ABHD12: variants seen among roughly 807,000 people sequenced by gnomAD.
The protein encoded by ABHD12 is lysophosphatidylserine lipase ABHD12.
A neutral mutation model predicts 58.3 loss-of-function variants in ABHD12; 43 were observed. That is an observed-to-expected ratio of 0.74 (90% CI 0.58 to 0.95). The LOEUF is 0.95. Ranked by LOEUF, ABHD12 falls within the 40% of genes least tolerant of loss-of-function variation. ABHD12 has a pLI of 0.00. For synonymous variants in ABHD12, 219 were observed against 211.2 expected (o/e 1.04, Z -0.32); for missense variants, 539 against 537.2 (o/e 1.00, Z -0.03).
At chr20:25,323,948 G>T (rs2089129127) in intron 2 of ABHD12, among the ~76,000 whole-genome samples, 1 of 152,234 alleles carries the variant, frequency 6.6e-6, no homozygotes, top group African/African-American at 2.4e-5. Context: ...AGGTAAAGGG[G>T]ATTCCAAAGT....
chr20:25,370,165 G>T (rs2089882248), intron 1 of ABHD12, among the ~76,000 whole-genome samples: 1 of 152,102 alleles, frequency 6.6e-6, no homozygotes, highest in African/African-American at 2.4e-5. Flanking sequence ...GACTGTGGGG[G>T]GTCCCCTTGA....
intron 1 of ABHD12, among the ~76,000 whole-genome samples, chr20:25,381,993 G>A (rs1005359808): frequency 6.6e-6 from 1 of 152,068 alleles, no homozygotes; most frequent in Non-Finnish European, 1.5e-5. Flanking sequence ...TCATCATGGG[G>A]CTAGTCATCT....
At chr20:25,384,386 A>C (rs982975862) in intron 1 of ABHD12, among the ~76,000 whole-genome samples, 15 of 151,262 alleles carry the variant, frequency 9.9e-5, no homozygotes, top group African/African-American at 3.6e-4. Flanking sequence ...ACCAATGTTA[A>C]AAAAGTTGGC....
At chr20:25,380,496 C>G (rs1233445690) in intron 1 of ABHD12, among the ~76,000 whole-genome samples, 1 of 152,118 alleles carries the variant, frequency 6.6e-6, no homozygotes, top group East Asian at 1.9e-4. Context: ...CTGTCTTTCC[C>G]CCTTTACTGC....
At chr20:25,378,658 AG>A in intron 1 of ABHD12, among the ~76,000 whole-genome samples, 1 of 152,070 alleles carries the variant, frequency 6.6e-6, no homozygotes, top group Middle Eastern at 3.4e-3. Flanking sequence ...CTTTGTTTGA[AG>A]ACTCCACCAG....
At chr20:25,384,359 T>C (rs1227655452) in intron 1 of ABHD12, among the ~76,000 whole-genome samples, 5 of 150,328 alleles carry the variant, frequency 3.3e-5, no homozygotes, top group African/African-American at 7.3e-5. Flanking sequence ...CCAAAATTGT[T>C]CTCATCTGAG....
intron 3 of ABHD12, 140 bp from the exon 4 acceptor site, chr20:25,320,458 T>C (rs2089045836): frequency 9.0e-7 from 1 of 1,107,520 alleles, no homozygotes; most frequent in Non-Finnish European, 1.3e-6. Context: ...GGGGAACAGA[T>C]GGGGGTGGGT....
intron 2 of ABHD12, among the ~76,000 whole-genome samples, chr20:25,330,608 T>C (rs1387304169): frequency 6.6e-6 from 1 of 152,204 alleles, no homozygotes; most frequent in Non-Finnish European, 1.5e-5. Context: ...AGCACGCACC[T>C]GGAGATCTGA....
At chr20:25,389,670 C>CAAACGCA (rs1336961101) in intron 1 of ABHD12, among the ~76,000 whole-genome samples, 5 of 152,138 alleles carry the variant, frequency 3.3e-5, no homozygotes, top group Non-Finnish European at 7.4e-5. Flanking sequence ...ACGCATTCAT[C>CAAACGCA]TTCTACCCAA....
intron 10 of ABHD12, 54 bp downstream of exon 10, chr20:25,306,779 G>A (rs2088750333): frequency 7.9e-7 from 1 of 1,259,244 alleles, no homozygotes; most frequent in African/African-American, 1.5e-5. Context: ...CTCATCCAGA[G>A]GTTCTCAGAG....
At chr20:25,299,507 A>G (rs371682410), downstream of ABHD12, among the ~76,000 whole-genome samples, 18 of 151,856 alleles carry the variant, frequency 1.2e-4, no homozygotes, top group African/African-American at 4.1e-4. Context: ...AAAAAAAAAA[A>G]TGAGGAAAAG....
In ABHD12 at chr20:25,374,617, C is replaced by T. The variant is rs1233926720; in HGVS notation, c.191+15896G>A. On this transcript the variant is annotated intron_variant, in intron 1 of 12. Transcript: ENST00000339157. ...CAAGTGATTCTCCTGCCTCAGCCTC[C>T]CGAGTAGCTGGGATTACAGGCATGT... is the stretch of plus-strand genomic sequence containing the variant. Among the ~76,000 whole-genome samples the T allele has an allele frequency of 2.0e-5, 3 of 152,186 alleles. No homozygotes were observed. The East Asian group carries it at 5.8e-4, about 29-fold the overall frequency.
rs186943410 is a variant in ABHD12 at position 25,339,167 on chromosome 20, C to T, written c.316+60G>A. On this transcript the variant is annotated intron_variant, in intron 2 of 12. Coordinates refer to ENST00000339157, the MANE Select transcript of ABHD12 (RefSeq NM_001042472.3). ...TAAAAAGACTACCCCTAAAATCAGA[C>T]ATCACCATGAAAATGAACCCTTACT... is the stretch of plus-strand genomic sequence containing the variant. 168 of 1,605,336 alleles carry T rather than the reference C, an allele frequency of 1.0e-4. No homozygotes were observed. In the African/African-American group the frequency reaches 2.0e-3, roughly 19 times the overall value.
At position 25,331,426 on chromosome 20, in the gene ABHD12, C is replaced by T. The variant is rs2089273826; in HGVS notation, c.316+7801G>A. On this transcript the variant is annotated intron_variant, in intron 2 of 12. Coordinates refer to ENST00000339157, the MANE Select transcript of ABHD12 (RefSeq NM_001042472.3). ...ACTTCCCCAATCTAGCAAGGCAGGC[C>T]AACATTCAGATTCAGGAAATACAGA... Among the ~76,000 whole-genome samples, 4 of 152,104 alleles carry T rather than the reference C, an allele frequency of 2.6e-5. No homozygotes were observed. In the South Asian group the frequency reaches 6.3e-4, roughly 24 times the overall value.
chr20:25,382,096 C>T (rs1035702805), intron 1 of ABHD12, among the ~76,000 whole-genome samples: 2 of 152,168 alleles, frequency 1.3e-5, no homozygotes, highest in African/African-American at 4.8e-5. Flanking sequence ...CACTCTTATC[C>T]CTACATCACA....
intron 2 of ABHD12, among the ~76,000 whole-genome samples, chr20:25,330,904 C>T (rs180896979): frequency 3.9e-5 from 6 of 152,182 alleles, no homozygotes; most frequent in Non-Finnish European, 5.9e-5. Flanking sequence ...TAAAGCAGAG[C>T]GCCTCTCCTC....
rs1384021870 is a variant in ABHD12, at chr20:25,320,300, G to C, written c.441C>G (p.Val147=). 1.9e-6 allele frequency: 3 copies of C among 1,613,992 alleles called. No individual in the cohort carries two copies. Among genetic ancestry groups the C allele is most frequent in the Non-Finnish European group, 2.5e-6 (3 of 1,180,042 alleles). The change falls in exon 4 of 13, where the codon GTC becomes GTG. Residue 147 remains valine (V), a synonymous_variant. Transcript: ENST00000339157. The part of the protein sequence containing the change: ...TIGVWHTVPA[V]WWKNAQGKDQ... ...CTTTGCCTTGGGCGTTCTTCCACCAGACTGCAGGGACGGTGTGCCTGCAGA... is the reference window on the plus strand; with the variant it reads ...CTTTGCCTTGGGCGTTCTTCCACCACACTGCAGGGACGGTGTGCCTGCAGA...
chr20:25,295,170 T>C, intron 12 of ABHD12: 1 of 889,052 alleles, frequency 1.1e-6, no homozygotes, highest in Non-Finnish European at 1.9e-6. Context: ...TGCAAGTCAG[T>C]ATTTCCTGTG....
At chr20:25,366,417 C>A (rs889591978) in intron 1 of ABHD12, among the ~76,000 whole-genome samples, 1 of 152,076 alleles carries the variant, frequency 6.6e-6, no homozygotes, top group Non-Finnish European at 1.5e-5. Flanking sequence ...CAGGCATGTG[C>A]CAACATGCCT....
Sources: allele counts gnomAD v4.1 joint callset (sites outside exome capture counted in the v4.1 genomes callset), GRCh38; gene constraint gnomAD v4.1.1; transcripts MANE v1.5; gene names NCBI Gene and HGNC (gene_info 2026-07-23, HGNC 2026-07-21).